Variants in SPIDR observed in about 807,000 individuals in gnomAD.
SPIDR encodes the protein scaffold protein involved in DNA repair.
SPIDR carries 93 observed loss-of-function variants against 104.6 expected under a neutral mutation model. That is an observed-to-expected ratio of 0.89 (90% CI 0.75 to 1.06). The LOEUF (loss-of-function observed/expected upper bound fraction) is 1.06, where lower values mean the gene tolerates loss of function less well. SPIDR is among the 50% of genes least tolerant of loss of function. The pLI is 0.00. For synonymous variants in SPIDR, 431 were observed against 416.9 expected (o/e 1.03, Z -0.41); for missense variants, 1,154 against 1,111.2 (o/e 1.04, Z -0.55).
intron 8 of SPIDR, among the ~76,000 whole-genome samples, chr8:47,560,496 T>G (rs2056924768): frequency 6.6e-6 from 1 of 152,160 alleles, no homozygotes; most frequent in African/African-American, 2.4e-5. Context: ...CCTTCCAGTT[T>G]CTGCTTATAA....
intron 10 of SPIDR, among the ~76,000 whole-genome samples, chr8:47,649,793 A>T (rs967069810): frequency 1.3e-5 from 2 of 152,230 alleles, no homozygotes; most frequent in African/African-American, 4.8e-5. Flanking sequence ...TTTTACAGGG[A>T]TGGTTTAACA....
At chr8:47,336,655 C>A (rs1197897404) in intron 5 of SPIDR, among the ~76,000 whole-genome samples, 2 of 152,114 alleles carry the variant, frequency 1.3e-5, no homozygotes, top group African/African-American at 4.8e-5. Flanking sequence ...AAACTCAGAG[C>A]AGAAGGTTGT....
chr8:47,454,890 T>A (rs543738774), intron 8 of SPIDR, among the ~76,000 whole-genome samples: 62 of 151,560 alleles, frequency 4.1e-4, no homozygotes, highest in South Asian at 8.4e-4. Flanking sequence ...CAAAAAAAAA[T>A]AATAATAATA....
At chr8:47,369,953 G>C (rs1014076819) in intron 5 of SPIDR, among the ~76,000 whole-genome samples, 6 of 151,698 alleles carry the variant, frequency 4.0e-5, no homozygotes, top group African/African-American at 1.5e-4. Flanking sequence ...TTTTAAGGGA[G>C]AGTCTTTTCC....
intron 5 of SPIDR, among the ~76,000 whole-genome samples, chr8:47,315,136 T>G (rs2045071953): frequency 6.6e-6 from 1 of 152,190 alleles, no homozygotes; most frequent in Non-Finnish European, 1.5e-5. Context: ...ATTTTAACAC[T>G]ACTCTGTAAC....
At position 47,462,986 on chromosome 8, in the gene SPIDR, A is replaced by G. The variant is rs909414800; in HGVS notation, c.1097+22444A>G. ...GAAATGTACAATTTTCTACAAAAAC[A>G]GTGTGCAAGAACTGACTCATGAAGA... On this transcript the variant is annotated intron_variant, in intron 8 of 19. Coordinates refer to ENST00000297423, the MANE Select transcript of SPIDR (RefSeq NM_001080394.4). Among the ~76,000 whole-genome samples the G allele has an allele frequency of 2.6e-5, 4 of 152,224 alleles. 1 individual carries two copies. The South Asian group carries it at 6.2e-4, about 24-fold the overall frequency.
chr8:47,523,027 G>T (rs139419333), intron 8 of SPIDR, among the ~76,000 whole-genome samples: 503 of 151,342 alleles, frequency 3.3e-3, no homozygotes, highest in African/African-American at 0.012. Context: ...TTGAGCGAGG[G>T]TCTCACCCTG....
At position 47,581,865 on chromosome 8, in the gene SPIDR, C is replaced by T. The variant is rs149713997; in HGVS notation, c.1098-13946C>T. On this transcript the variant is annotated intron_variant, in intron 8 of 19. Coordinates refer to ENST00000297423, the MANE Select transcript of SPIDR (RefSeq NM_001080394.4). ...AATCCTCTTTGCCACTCTCCACAGA[C>T]GAAAACACATTCTTCCTTGACAGTA... Among the ~76,000 whole-genome samples, 9 of 152,242 alleles carry T rather than the reference C, an allele frequency of 5.9e-5. No individual in the cohort carries two copies. The South Asian group carries it at 8.3e-4, about 14-fold the overall frequency.
chr8:47,665,088 A>C (rs2154465378), intron 10 of SPIDR, among the ~76,000 whole-genome samples: 1 of 152,324 alleles, frequency 6.6e-6, no homozygotes, highest in Admixed American at 6.5e-5. Context: ...ATTTGATGCA[A>C]AATTTTAATA....
Position 47,490,632 on chromosome 8 carries a change from G to A in SPIDR, c.1097+50090G>A, listed in dbSNP as rs183021432. ...CAATGATAGACTGGATTAAGAAAAT[G>A]TGGCACATATACACCATGGAATACT... On this transcript the variant is annotated intron_variant, in intron 8 of 19. Coordinates refer to ENST00000297423, the MANE Select transcript of SPIDR (RefSeq NM_001080394.4). 1.1e-3 allele frequency among the ~76,000 whole-genome samples: 171 copies of A among 152,328 alleles called. 1 individual carries two copies. Among genetic ancestry groups the A allele is most frequent in the African/African-American group, 4.0e-3 (166 of 41,558 alleles).
At chr8:47,710,412 C>T (rs2081684655) in intron 14 of SPIDR, among the ~76,000 whole-genome samples, 1 of 151,696 alleles carries the variant, frequency 6.6e-6, no homozygotes, top group African/African-American at 2.4e-5. Context: ...TGGAGGTTGT[C>T]AGAACTCCCA....
At chr8:47,700,245 G>A (rs1300450364) in intron 11 of SPIDR, among the ~76,000 whole-genome samples, 158 bp from the exon 12 acceptor site, 1 of 152,176 alleles carries the variant, frequency 6.6e-6, no homozygotes, top group Non-Finnish European at 1.5e-5. Flanking sequence ...CTGTCCATCT[G>A]TCTGTGTGCC....
chr8:47,452,816 C>T (rs1341322089), intron 8 of SPIDR, among the ~76,000 whole-genome samples: 1 of 152,148 alleles, frequency 6.6e-6, no homozygotes, highest in African/African-American at 2.4e-5. Flanking sequence ...CAGGGATGCC[C>T]TCTCTCACCA....
intron 1 of SPIDR, among the ~76,000 whole-genome samples, chr8:47,269,853 G>C (rs2034930106): frequency 6.6e-6 from 1 of 152,058 alleles, no homozygotes; most frequent in African/African-American, 2.4e-5. Flanking sequence ...AGTTTGTTGA[G>C]TTTTTACTGT....
chr8:47,460,388 G>A (rs1554712686), intron 8 of SPIDR, among the ~76,000 whole-genome samples: 1 of 151,934 alleles, frequency 6.6e-6, no homozygotes, highest in Non-Finnish European at 1.5e-5. Flanking sequence ...TATTAGGTTG[G>A]TGCAAAAGTA....
chr8:47,546,010 A>G (rs2089299339), intron 8 of SPIDR, among the ~76,000 whole-genome samples: 1 of 152,188 alleles, frequency 6.6e-6, no homozygotes, highest in South Asian at 2.1e-4. Context: ...TATTTTTTAC[A>G]TATTACTGAA....
At chr8:47,395,217 T>C (rs1250760528) in intron 5 of SPIDR, among the ~76,000 whole-genome samples, 2 of 152,090 alleles carry the variant, frequency 1.3e-5, no homozygotes, top group Non-Finnish European at 2.9e-5. Context: ...GGCATCGTGC[T>C]GGGCACCTGT....
At chr8:47,713,352 T>C in intron 15 of SPIDR, 137 bp from the exon 16 acceptor site, 2 of 1,252,282 alleles carry the variant, frequency 1.6e-6, no homozygotes, top group Non-Finnish European at 2.3e-6. Context: ...GCACACACAA[T>C]GAACGTGCTG....
intron 8 of SPIDR, among the ~76,000 whole-genome samples, chr8:47,512,461 CCT>C (rs963145291): frequency 6.6e-6 from 1 of 152,188 alleles, no homozygotes; most frequent in African/African-American, 2.4e-5. Flanking sequence ...CTCTGTTCCC[CCT>C]CTCTCTGTTT....
Sources: allele counts gnomAD v4.1 joint callset (sites outside exome capture counted in the v4.1 genomes callset), GRCh38; gene constraint gnomAD v4.1.1; transcripts MANE v1.5; gene names NCBI Gene and HGNC (gene_info 2026-07-23, HGNC 2026-07-21).